The following MYO6 variants were observed in gnomAD, a reference collection of about 807,000 sequenced individuals.
The protein encoded by MYO6 is unconventional myosin-VI.
A neutral mutation model predicts 178.7 loss-of-function variants in MYO6; 74 were observed. That is an observed-to-expected ratio of 0.41 (90% confidence interval 0.34 to 0.50). The LOEUF (loss-of-function observed/expected upper bound fraction) is 0.50. Among genes scored for constraint, MYO6 ranks in the 20% least tolerant of loss-of-function variants. The pLI is 0.09. For missense variants in MYO6, 1,330 were observed against 1,547.4 expected, an observed-to-expected ratio of 0.86 and a Z score of 2.36; for synonymous variants, 477 against 504.6, an observed-to-expected ratio of 0.95 and a Z score of 0.73.
rs921240246 is a variant in MYO6, at chr6:75,879,887, C to T, written c.2145C>T (p.Tyr715=). 6.2e-7 allele frequency: 1 copy of T among 1,614,024 alleles called. No individual in the cohort carries two copies. Among genetic ancestry groups the T allele is most frequent in the South Asian group, 1.1e-5 (1 of 91,080 alleles). ...CACGAGCTTCATTTCATGAACTCTA[C>T]AACATGTACAAAAAGTATATGCCAG... ...YPSRASFHEL[Y]NMYKKYMPDK... The change falls in exon 21 of 35, where the codon TAC becomes TAT. Residue 715 remains tyrosine, a synonymous_variant. Coordinates refer to ENST00000369977, the MANE Select transcript of MYO6 (RefSeq NM_004999.4).
In MYO6 at chr6:75,873,287, G is replaced by A. The variant is rs1188774749; in HGVS notation, c.2064G>A (p.Gln688=). ...TTGAAGGTGCTCAAATTCTGTCTCA[G>A]CTTCAGTGTTCAGGTATTTTCATAA... The part of the protein sequence containing the change: ...HHFEGAQILS[Q]LQCSGMVSVL... The change falls in exon 20 of 35, where the codon CAG becomes CAA. Residue 688 remains glutamine (Q), a synonymous_variant. Coordinates refer to ENST00000369977, the MANE Select transcript of MYO6 (RefSeq NM_004999.4). 2 of 1,612,790 alleles carry A rather than the reference G, an allele frequency of 1.2e-6. No individual in the cohort carries two copies. Among genetic ancestry groups the A allele is most frequent in the East Asian group, 4.5e-5 (2 of 44,862 alleles).
At chr6:75,797,019 T>C (rs1411577256) in intron 1 of MYO6, among the ~76,000 whole-genome samples, 4 of 152,186 alleles carry the variant, frequency 2.6e-5, no homozygotes, top group Admixed American at 2.6e-4. Flanking sequence ...CCATGTCTGT[T>C]GTGAATAGTG....
rs751304822 is a variant in MYO6, at chr6:75,886,979, G to A, written c.2643G>A (p.Leu881=). ...IKNLEISIDT[L]MAKIKSTMMT... ...ATCTGGAAATTTCTATTGATACTTT[G>A]ATGGCCAAAATTAAGGTATGTAATT... Residue 881 remains leucine, a synonymous_variant, in exon 25 of 35, where the codon TTG becomes TTA. Coordinates refer to ENST00000369977, the MANE Select transcript of MYO6 (RefSeq NM_004999.4). The A allele has an allele frequency of 1.3e-5, 21 of 1,613,474 alleles. No individual in the cohort carries two copies. The highest frequency in any genetic ancestry group is 1.8e-5 in the Non-Finnish European group (21 of 1,179,640).
intron 1 of MYO6, among the ~76,000 whole-genome samples, chr6:75,802,966 A>T (rs1769636627): frequency 6.6e-6 from 1 of 152,160 alleles, no homozygotes; most frequent in South Asian, 2.1e-4. Flanking sequence ...GTAAACTGGG[A>T]TGTTTAGTCT....
At position 75,890,216 on chromosome 6, in the gene MYO6, C is replaced by A. The variant is rs200205409; in HGVS notation, c.2818C>A (p.Arg940Ser). Residue 940 changes from arginine to serine, a missense_variant, in exon 26 of 35, where the codon CGT (arginine) becomes AGT (serine). Transcript: ENST00000369977. Reference sequence around the variant, plus strand: ...AGAAATGGAAAAGGAAAGAAAAAGACGTGAAGAAGACGAAAAACGTCGAAG... The same window carrying A: ...AGAAATGGAAAAGGAAAGAAAAAGAAGTGAAGAAGACGAAAAACGTCGAAG... Reference protein sequence around the residue: ...QEEMEKERKRREEDEKRRRKE... With the variant: ...QEEMEKERKRSEEDEKRRRKE... The A allele has an allele frequency of 5.0e-6, 8 of 1,609,986 alleles. No individual in the cohort carries two copies. The South Asian group carries it at 7.7e-5, about 15-fold the overall frequency.
At chr6:75,891,156 A>G (rs2149370370) in intron 26 of MYO6, 72 bp from the exon 27 acceptor site, 6 of 986,980 alleles carry the variant, frequency 6.1e-6, no homozygotes, top group Non-Finnish European at 9.2e-6. Context: ...TTATTAAATA[A>G]TAGTTAAATT....
At chr6:75,907,509 T>C (rs574973771) in intron 30 of MYO6, 96 bp from the exon 31 acceptor site, 73 of 915,230 alleles carry the variant, frequency 8.0e-5, no homozygotes, top group Middle Eastern at 6.5e-4. Flanking sequence ...AGTAGCTGTT[T>C]CCGGTTTTCA....
chr6:75,909,077 A>G (rs1780566450), intron 32 of MYO6, among the ~76,000 whole-genome samples: 1 of 152,186 alleles, frequency 6.6e-6, no homozygotes, highest in South Asian at 2.1e-4. Flanking sequence ...ATAAATAGAG[A>G]TGAGGTCTTG....
intron 1 of MYO6, among the ~76,000 whole-genome samples, chr6:75,793,086 A>G (rs567981678): frequency 2.0e-5 from 3 of 152,232 alleles, no homozygotes; most frequent in East Asian, 3.9e-4. Context: ...GTCACTGTGC[A>G]TAATGATTTT....
chr6:75,769,160 G>A (rs1778700323), intron 1 of MYO6, among the ~76,000 whole-genome samples: 1 of 152,164 alleles, frequency 6.6e-6, no homozygotes, highest in Admixed American at 6.5e-5. Context: ...TCTAACATCG[G>A]AGGCCACATT....
chr6:75,899,685 A>C (rs1324259851), intron 30 of MYO6, among the ~76,000 whole-genome samples: 8 of 150,204 alleles, frequency 5.3e-5, no homozygotes, highest in Non-Finnish European at 1.0e-4. Flanking sequence ...GGGAAGGACT[A>C]ATGGCCACAC....
intron 1 of MYO6, among the ~76,000 whole-genome samples, chr6:75,796,629 C>CTTTT (rs143090177): frequency 7.6e-6 from 1 of 132,432 alleles, no homozygotes. Context: ...TGACTCCCAT[C>CTTTT]TTTTTTTTTT....
Position 75,855,644 on chromosome 6 carries a change from A to G in MYO6, c.1223+361A>G, listed in dbSNP as rs140684885. On this transcript the variant is annotated intron_variant, in intron 12 of 34. Coordinates refer to ENST00000369977, the MANE Select transcript of MYO6 (RefSeq NM_004999.4). ...CTATTAAGCAGATCTCACTTCAGCA[A>G]AATACTTAGCAAATGACACTTTCCT... 2.2e-4 allele frequency among the ~76,000 whole-genome samples: 33 copies of G among 152,296 alleles called. No homozygotes were observed. The East Asian group carries it at 6.2e-3, about 28-fold the overall frequency.
chr6:75,863,747 G>A (rs1776411549), intron 16 of MYO6, among the ~76,000 whole-genome samples: 1 of 152,104 alleles, frequency 6.6e-6, no homozygotes, highest in South Asian at 2.1e-4. Context: ...GCTTCCCAAA[G>A]TGCTGGGATT....
At chr6:75,768,834 C>T (rs886765602) in intron 1 of MYO6, among the ~76,000 whole-genome samples, 1 of 152,090 alleles carries the variant, frequency 6.6e-6, no homozygotes, top group South Asian at 2.1e-4. Flanking sequence ...AAAGGAATGC[C>T]TGAGACTGAG....
In MYO6 at chr6:75,830,993, G is replaced by A. The variant is rs183946339; in HGVS notation, c.391+448G>A. On this transcript the variant is annotated intron_variant, in intron 5 of 34. Transcript: ENST00000369977. Reference sequence around the variant, plus strand: ...ATTTCAGCTGTAAGAGCAGACTTCTGGGCATCATCTTGCATCAGGGGTTTA... The same window carrying A: ...ATTTCAGCTGTAAGAGCAGACTTCTAGGCATCATCTTGCATCAGGGGTTTA... 4.1e-3 allele frequency among the ~76,000 whole-genome samples: 618 copies of A among 152,174 alleles called. 8 individuals carry two copies. The highest frequency in any genetic ancestry group is 0.014 in the African/African-American group (596 of 41,496).
chr6:75,914,502 T>C (rs1164097496), intron 34 of MYO6, among the ~76,000 whole-genome samples: 1 of 152,208 alleles, frequency 6.6e-6, no homozygotes, highest in Non-Finnish European at 1.5e-5. Context: ...AACTTGTCTG[T>C]ATCCTAAAAA....
chr6:75,785,211 C>T (rs1767415838), intron 1 of MYO6, among the ~76,000 whole-genome samples: 2 of 152,074 alleles, frequency 1.3e-5, no homozygotes, highest in African/African-American at 4.8e-5. Context: ...GTATAATGTA[C>T]AAGTTACATT....
intron 29 of MYO6, 79 bp downstream of exon 29, chr6:75,895,339 T>C: frequency 8.7e-7 from 1 of 1,148,394 alleles, no homozygotes; most frequent in South Asian, 1.3e-5. Flanking sequence ...GAGTAAATTT[T>C]AAATTATTTT....
Sources: gnomAD v4.1 joint callset for allele counts (sites outside exome capture counted in the v4.1 genomes callset) on GRCh38, gnomAD v4.1.1 for gene constraint, MANE v1.5 for transcripts, NCBI Gene and HGNC (gene_info 2026-07-23, HGNC 2026-07-21) for gene names.